Variants in CSDE1 observed in about 807,000 individuals in gnomAD.
The protein encoded by CSDE1 is cold shock domain-containing protein E1.
In CSDE1, 17 loss-of-function variants were observed where a neutral mutation model predicts 89.3. The observed-to-expected ratio is 0.19, with a 90% confidence interval of 0.13 to 0.29. The LOEUF (loss-of-function observed/expected upper bound fraction) is 0.29. CSDE1 is among the 10% of genes least tolerant of loss of function. CSDE1 has a pLI of 1.00. For missense variants in CSDE1, 672 were observed against 984.2 expected, an observed-to-expected ratio of 0.68 and a Z score of 4.24; for synonymous variants, 322 against 332.8, an observed-to-expected ratio of 0.97 and a Z score of 0.35.
chr1:114,733,618 G>C, intron 9 of CSDE1, 114 bp downstream of exon 9: 1 of 837,552 alleles, frequency 1.2e-6, no homozygotes, highest in Non-Finnish European at 1.8e-6. Context: ...GAGGTCCTTA[G>C]TTGTTCCACT....
At position 114,718,657 on chromosome 1, in the gene CSDE1, G is replaced by A; in HGVS notation, c.2305C>T (p.Arg769Cys). Residue 769 changes from arginine to cysteine, a missense_variant, in exon 19 of 20, where the codon CGC becomes TGC. Coordinates refer to ENST00000358528, the MANE Select transcript of CSDE1 (RefSeq NM_001007553.3). ...CTTGGCTGACGAAGAACCATTAGGCGAGGAGCACTGGCATCATCCAGAGTG... is the reference window on the plus strand; with the variant it reads ...CTTGGCTGACGAAGAACCATTAGGCAAGGAGCACTGGCATCATCCAGAGTG... ...NITLDDASAP[R>C]LMVLRQPRGP... 2 of 1,614,178 alleles carry A rather than the reference G, an allele frequency of 1.2e-6. No individual in the cohort carries two copies.
Position 114,737,491 on chromosome 1 carries a change from C to A in CSDE1, c.382G>T (p.Val128Leu). Residue 128 changes from valine to leucine, a missense_variant, in exon 5 of 20, where the codon GTA becomes TTA. Transcript: ENST00000358528. ...AAPGQSPTGS[V>L]CYERNGEVFY... ...TTTACCCCATTACGTTCGTAGCATA[C>A]ACTCCCTGTTGGACTCTGACCCGGG... 6.2e-7 allele frequency: 1 copy of A among 1,613,824 alleles called. No homozygotes were observed. The highest frequency in any genetic ancestry group is 1.6e-4 in the Middle Eastern group (1 of 6,062).
At chr1:114,752,849 T>A (rs79629225) in intron 1 of CSDE1, among the ~76,000 whole-genome samples, 5,496 of 152,344 alleles carry the variant, frequency 0.036, 140 homozygotes, top group Non-Finnish European at 0.056. Context: ...CATGTTTTTA[T>A]GTATCTTGTT....
At chr1:114,720,892 T>C (rs758100650) in intron 16 of CSDE1, among the ~76,000 whole-genome samples, 175 bp from the exon 17 acceptor site, 4 of 152,218 alleles carry the variant, frequency 2.6e-5, no homozygotes, top group Non-Finnish European at 4.4e-5. Context: ...TGTTAAATAC[T>C]ACCATGGAAC....
chr1:114,745,382 T>C (rs142676467), intron 2 of CSDE1, among the ~76,000 whole-genome samples: 31 of 152,332 alleles, frequency 2.0e-4, no homozygotes, highest in Non-Finnish European at 3.1e-4. Flanking sequence ...TATGTGGTCA[T>C]TGGAAACAAT....
Position 114,734,498 on chromosome 1 carries a change from T to A in CSDE1, c.526A>T (p.Ile176Phe). The A allele has an allele frequency of 6.2e-7, 1 of 1,612,800 alleles. No individual in the cohort carries two copies. The highest frequency in any genetic ancestry group is 8.5e-7 in the Non-Finnish European group (1 of 1,179,622). ...KHTGAVSARN[I>F]MLLKKKQARC... ...GCTTGTTTCTTTTTCAACAGCATAA[T>A]GTTGCGAGCACTTACAGCACCAGTA... Residue 176 changes from isoleucine (I) to phenylalanine (F), a missense_variant, in exon 7 of 20, where the codon ATT (isoleucine) becomes TTT (phenylalanine). This residue lies in a region of CSDE1 where 124 missense variants were observed against 138.7 expected (regional missense o/e 0.89). Transcript: ENST00000358528.
intron 14 of CSDE1, 58 bp from the exon 15 acceptor site, chr1:114,725,391 G>T: frequency 7.7e-7 from 1 of 1,304,684 alleles, no homozygotes; most frequent in Non-Finnish European, 1.1e-6. Context: ...AACAGTAACA[G>T]GCAGTCTTTA....
intron 17 of CSDE1, 94 bp from the exon 18 acceptor site, chr1:114,719,836 A>G (rs1344790723): frequency 8.0e-6 from 10 of 1,256,446 alleles, no homozygotes; most frequent in Non-Finnish European, 1.1e-5. Flanking sequence ...GATGTATAAA[A>G]CATGGTATTA....
intron 1 of CSDE1, among the ~76,000 whole-genome samples, 168 bp downstream of exon 1, chr1:114,757,757 G>C (rs925763263): frequency 2.0e-5 from 3 of 152,114 alleles, no homozygotes; most frequent in African/African-American, 7.2e-5. Context: ...AGTTGAACGG[G>C]AGACGTATGA....
Position 114,726,415 on chromosome 1 carries a change from C to T in CSDE1, c.1465-29G>A, listed in dbSNP as rs748060976. On this transcript the variant is annotated intron_variant, in intron 13 of 19. Transcript: ENST00000358528. ...TGAAAATTAAGGATGCTCATTAACA[C>T]CATATCACTTCCACACCAATCTCCT... The T allele has an allele frequency of 4.4e-6, 7 of 1,576,036 alleles. No homozygotes were observed. The South Asian group carries it at 8.2e-5, about 18-fold the overall frequency.
rs200922559 is a variant in CSDE1, at chr1:114,734,456, C to G, written c.568G>C (p.Val190Leu). The G allele has an allele frequency of 6.2e-7, 1 of 1,613,026 alleles. No homozygotes were observed. The highest frequency in any genetic ancestry group is 1.3e-5 in the African/African-American group (1 of 74,924). The change falls in exon 7 of 20, where the codon GTT becomes CTT. Residue 190 changes from valine to leucine, a missense_variant. Physicochemically the swap from Val to Leu is conservative, Grantham distance 32. Transcript: ENST00000358528. ...KKKQARCQGV[V>L]CAMKEAFGFI... is the part of the protein sequence containing the mutation. ...TTAACACTTACCTTCATGGCACAAACTACTCCCTGACAGCGGGCTTGTTTC... is the reference window on the plus strand; with the variant it reads ...TTAACACTTACCTTCATGGCACAAAGTACTCCCTGACAGCGGGCTTGTTTC...
Position 114,738,661 on chromosome 1 carries a change from C to CTTTTTTT in CSDE1, c.200-596_200-590dup, listed in dbSNP as rs752985259. The stretch of plus-strand genomic sequence containing the variant: ...AAGCCAAACACTTCACATGTAAAAA[C>CTTTTTTT]TTTTTTTTTTTTTTTTTTTTTTTTT... On this transcript the variant is annotated intron_variant, in intron 3 of 19. Coordinates refer to ENST00000358528, the MANE Select transcript of CSDE1 (RefSeq NM_001007553.3). 3.9e-4 allele frequency among the ~76,000 whole-genome samples: 31 copies of CTTTTTTT among 80,042 alleles called. 4 individuals carry two copies. Among genetic ancestry groups the CTTTTTTT allele is most frequent in the African/African-American group, 1.3e-3 (26 of 19,344 alleles). 52.5% of individuals were successfully genotyped at this position (80,042 alleles called of 152,430 possible).
At chr1:114,737,714 C>T (rs1660480139) in intron 4 of CSDE1, 151 bp from the exon 5 acceptor site, 2 of 711,408 alleles carry the variant, frequency 2.8e-6, no homozygotes, top group Non-Finnish European at 4.8e-6. Flanking sequence ...AAGTTTCAAA[C>T]TTACAGTATG....
chr1:114,734,578 T>C, intron 6 of CSDE1, 55 bp from the exon 7 acceptor site: 1 of 1,421,282 alleles, frequency 7.0e-7, no homozygotes, highest in Admixed American at 1.9e-5. Flanking sequence ...AAAAATGTAT[T>C]GGCCTGCTTA....
rs191704748 is a variant in CSDE1 at position 114,738,494 on chromosome 1, G to T, written c.200-422C>A. Among the ~76,000 whole-genome samples the T allele has an allele frequency of 9.9e-5, 15 of 151,874 alleles. No individual in the cohort carries two copies. In the East Asian group the frequency reaches 2.9e-3, roughly 29 times the overall value. On this transcript the variant is annotated intron_variant, in intron 3 of 19. Coordinates refer to ENST00000358528, the MANE Select transcript of CSDE1 (RefSeq NM_001007553.3). The stretch of plus-strand genomic sequence containing the variant: ...ACCTCAGTTTTCTCTTATGTAAAAG[G>T]AGAATAATTCCTAACAGGACTGCCA...
rs1437302046 is a variant in CSDE1 at position 114,737,995 on chromosome 1, C to T, written c.277G>A (p.Glu93Lys). 6.2e-7 allele frequency: 1 copy of T among 1,613,816 alleles called. No individual in the cohort carries two copies. Among genetic ancestry groups the T allele is most frequent in the East Asian group, 2.2e-5 (1 of 44,896 alleles). Residue 93 changes from glutamate to lysine, a missense_variant, in exon 4 of 20, where the codon GAA (glutamate) becomes AAA (lysine). Transcript: ENST00000358528. ...TTCATTCGTTCTTCAGGGAGGATTT[C>T]TTGTTTTATCTTCACCAGTTTAACA... ...IAVKLVKIKQEILPEERMNGQ... is the reference protein window; with the variant it reads ...IAVKLVKIKQKILPEERMNGQ...
intron 2 of CSDE1, among the ~76,000 whole-genome samples, chr1:114,742,972 CACT>C (rs1307412839): frequency 3.3e-5 from 5 of 152,230 alleles, no homozygotes; most frequent in Admixed American, 2.6e-4. Flanking sequence ...CTATTTGTAC[CACT>C]GTGTTTTACA....
chr1:114,754,493 T>C (rs1331381140), intron 1 of CSDE1, among the ~76,000 whole-genome samples: 1 of 152,148 alleles, frequency 6.6e-6, no homozygotes, highest in Non-Finnish European at 1.5e-5. Context: ...AATGAAAGGC[T>C]AAGCCAGTCT....
chr1:114,749,396 C>T (rs1661184972), intron 2 of CSDE1, among the ~76,000 whole-genome samples: 1 of 152,128 alleles, frequency 6.6e-6, no homozygotes, highest in Non-Finnish European at 1.5e-5. Flanking sequence ...ATATGCACTG[C>T]AAATGTAGGC....
Sources: gnomAD v4.1 joint callset for allele counts (sites outside exome capture counted in the v4.1 genomes callset) on GRCh38, gnomAD v4.1.1 for gene constraint, gnomAD v4.1.1 regional missense constraint, MANE v1.5 for transcripts, NCBI Gene and HGNC (gene_info 2026-07-23, HGNC 2026-07-21) for gene names.